CD36: variants seen among roughly 807,000 people sequenced by gnomAD.
CD36 encodes platelet glycoprotein 4.
CD36 carries 119 observed loss-of-function variants against 55.2 expected under a neutral mutation model. The ratio of observed to expected loss-of-function variants is 2.15; its 90% CI spans 1.86 to 2.51. The LOEUF (loss-of-function observed/expected upper bound fraction) is 2.51. Among genes scored for constraint, CD36 ranks in the 30% most tolerant of loss-of-function variants. The probability of loss-of-function intolerance (pLI) is 0.00; values close to 1 mark genes in which losing one functional copy is unlikely to be tolerated. For missense variants in CD36, 819 were observed against 555.5 expected (o/e 1.47, Z -4.77); for synonymous variants, 186 against 193.6 (o/e 0.96, Z 0.33).
At chr7:80,620,342 C>G (rs1231955000) in intron 1 of CD36, among the ~76,000 whole-genome samples, 1 of 152,146 alleles carries the variant, frequency 6.6e-6, no homozygotes, top group African/African-American at 2.4e-5. Flanking sequence ...GGACTACCGA[C>G]AAGCTTCAAG....
At chr7:80,604,580 A>G (rs1184494653) in intron 1 of CD36, among the ~76,000 whole-genome samples, 1 of 151,468 alleles carries the variant, frequency 6.6e-6, no homozygotes, top group Admixed American at 6.6e-5. Context: ...TTGTCACACA[A>G]ACACTATAGT....
chr7:80,646,800 T>A lies in CD36; in HGVS notation c.60T>A (p.Ala20=). The change falls in exon 3 of 15, where the codon GCT becomes GCA. Residue 20 remains alanine (A), a synonymous_variant. Coordinates refer to ENST00000447544, the MANE Select transcript of CD36 (RefSeq NM_001001548.3). The stretch of plus-strand genomic sequence containing the variant: ...GGGCTGTCATTGGTGCTGTCCTGGC[T>A]GTGTTTGGAGGTATTCTAATGCCAG... ...IAGAVIGAVL[A]VFGGILMPVG... 1 of 1,614,040 alleles carries A rather than the reference T, an allele frequency of 6.2e-7. No individual in the cohort carries two copies. Among genetic ancestry groups the A allele is most frequent in the Middle Eastern group, 1.7e-4 (1 of 6,056 alleles).
At chr7:80,636,387 A>C (rs1254386633), upstream of CD36, among the ~76,000 whole-genome samples, 1 of 152,108 alleles carries the variant, frequency 6.6e-6, no homozygotes, top group Non-Finnish European at 1.5e-5. Flanking sequence ...GTGTATACAC[A>C]TGTCAAAATG....
At chr7:80,651,465 G>A (rs986330282) in intron 3 of CD36, among the ~76,000 whole-genome samples, 2 of 152,112 alleles carry the variant, frequency 1.3e-5, no homozygotes, top group East Asian at 3.9e-4. Flanking sequence ...AGGAATTATA[G>A]GTTTCTTTGT....
intron 1 of CD36, among the ~76,000 whole-genome samples, chr7:80,606,443 A>G (rs1039815340): frequency 1.3e-5 from 2 of 152,226 alleles, no homozygotes; most frequent in African/African-American, 4.8e-5. Context: ...ATAATTTACA[A>G]GACGCTAAAT....
chr7:80,602,233 A>G (rs1456636425), exon 1 of CD36: 2 of 152,128 alleles, frequency 1.3e-5, no homozygotes, highest in Admixed American at 1.3e-4. Flanking sequence ...TTAAGGATAG[A>G]TGAAGGGTTG....
intron 3 of CD36, among the ~76,000 whole-genome samples, chr7:80,649,647 T>A (rs985388176): frequency 2.1e-4 from 32 of 152,094 alleles, no homozygotes; most frequent in Non-Finnish European, 4.3e-4. Flanking sequence ...TTATAAGTGA[T>A]GTTTTATGAA....
chr7:80,672,060 A>G lies in CD36; in HGVS notation c.1125+20A>G. ...GAACCTGTAAGAAAACACCTTATTG[A>G]TCTGATTTGGTTGATATTTTTAAAA... On this transcript the variant is annotated intron_variant, in intron 11 of 14. Transcript: ENST00000447544. 2.5e-6 allele frequency: 4 copies of G among 1,577,244 alleles called. No individual in the cohort carries two copies. Among genetic ancestry groups the G allele is most frequent in the Non-Finnish European group, 1.7e-6 (2 of 1,149,556 alleles).
chr7:80,618,206 A>G lies in CD36; in HGVS notation c.-184+15827A>G, dbSNP rs940762888. 2.0e-5 allele frequency among the ~76,000 whole-genome samples: 3 copies of G among 152,120 alleles called. No individual in the cohort carries two copies. In the East Asian group the frequency reaches 5.8e-4, roughly 29 times the overall value. On this transcript the variant is annotated intron_variant, in intron 1 of 13. Transcript: ENST00000309881. ...GACTTTGAGCAATTTAGCTAACCTC[A>G]CAGAGCATCATTTTTGCCATTTGTA... is the stretch of plus-strand genomic sequence containing the variant.
At chr7:80,669,076 A>T (rs1447589396) in intron 8 of CD36, among the ~76,000 whole-genome samples, 1 of 152,222 alleles carries the variant, frequency 6.6e-6, no homozygotes, top group Admixed American at 6.5e-5. Context: ...GAGAAAAAAA[A>T]TCACTACAAA....
At chr7:80,669,744 G>C (rs747378835) in intron 8 of CD36, among the ~76,000 whole-genome samples, 1 of 152,090 alleles carries the variant, frequency 6.6e-6, no homozygotes, top group Non-Finnish European at 1.5e-5. Flanking sequence ...TGATCCACCC[G>C]CCTTGGCCTT....
At chr7:80,667,717 A>T (rs1247054394) in intron 8 of CD36, among the ~76,000 whole-genome samples, 2 of 148,644 alleles carry the variant, frequency 1.3e-5, no homozygotes, top group Non-Finnish European at 3.0e-5. Context: ...AACAGCAAAA[A>T]CACTGTTGGA....
chr7:80,646,997 C>T lies in CD36; in HGVS notation c.120+137C>T, dbSNP rs1430159318. On this transcript the variant is annotated intron_variant, in intron 3 of 14. Coordinates refer to ENST00000447544, the MANE Select transcript of CD36 (RefSeq NM_001001548.3). The stretch of plus-strand genomic sequence containing the variant: ...TTGACATAAAGGTAATTATGAACCA[C>T]TGCAACTCTATATGATGCGACTTTA... The T allele has an allele frequency of 6.8e-6, 6 of 881,268 alleles. No individual in the cohort carries two copies. In the African/African-American group the frequency reaches 1.0e-4, roughly 15 times the overall value. 54.6% of individuals were successfully genotyped at this position (881,268 alleles called of 1,614,324 possible).
chr7:80,671,593 C>G (rs1017118145), intron 10 of CD36, among the ~76,000 whole-genome samples: 2 of 151,978 alleles, frequency 1.3e-5, no homozygotes, highest in Non-Finnish European at 1.5e-5. Context: ...CAGTATGTAT[C>G]TAAAGCTAGA....
At chr7:80,656,935 AAT>A (rs1562802488) in intron 4 of CD36, among the ~76,000 whole-genome samples, 1 of 152,160 alleles carries the variant, frequency 6.6e-6, no homozygotes, top group East Asian at 1.9e-4. Flanking sequence ...TTTATTAGAC[AAT>A]ATATAGAAAA....
chr7:80,609,659 A>C (rs533093289), intron 1 of CD36, among the ~76,000 whole-genome samples: 2 of 152,344 alleles, frequency 1.3e-5, no homozygotes, highest in South Asian at 4.1e-4. Context: ...TTGATAAAAT[A>C]TTTGCCAATG....
intron 3 of CD36, among the ~76,000 whole-genome samples, chr7:80,651,866 G>A (rs546519680): frequency 6.6e-6 from 1 of 152,196 alleles, no homozygotes; most frequent in Admixed American, 6.5e-5. Flanking sequence ...CTAAGGTCGC[G>A]CCTCTGTACT....
rs1042839315 is a variant in CD36 at position 80,678,277 on chromosome 7, C to T, written c.*1894C>T. On this transcript the variant is annotated 3_prime_UTR_variant, in exon 15 of 15. Transcript: ENST00000447544. The stretch of plus-strand genomic sequence containing the variant: ...TGTTTTAGTCATAGAAAAATTGTAC[C>T]CTTTGATAGAAGCACATTTTCTTTC... 6.6e-6 allele frequency: 1 copy of T among 152,054 alleles called. No individual in the cohort carries two copies. The highest frequency in any genetic ancestry group is 1.5e-5 in the Non-Finnish European group (1 of 68,020). The allele number at this position is 152,054 out of a possible 1,614,324, so 9.4% of individuals were successfully genotyped here.
chr7:80,640,566 C>T (rs1794734654), intron 1 of CD36, among the ~76,000 whole-genome samples: 1 of 151,962 alleles, frequency 6.6e-6, no homozygotes, highest in Admixed American at 6.6e-5. Context: ...CTTCAAGGTC[C>T]AGCATTTTTG....
Sources: gnomAD v4.1 joint callset for allele counts (sites outside exome capture counted in the v4.1 genomes callset) on GRCh38, gnomAD v4.1.1 for gene constraint, MANE v1.5 for transcripts, NCBI Gene and HGNC (gene_info 2026-07-23, HGNC 2026-07-21) for gene names.